ZNF20: variants seen among roughly 807,000 people sequenced by gnomAD.
The protein encoded by ZNF20 is zinc finger protein KOX13.
In ZNF20, 9 loss-of-function variants were observed where a neutral mutation model predicts 11.0. That is an observed-to-expected ratio of 0.82 (90% CI 0.49 to 1.43). ZNF20 has a LOEUF of 1.43. Ranked by LOEUF, ZNF20 falls within the 40% of genes most tolerant of loss-of-function variation. The pLI, the probability that ZNF20 is intolerant of heterozygous loss-of-function variation, is 0.00. For missense variants in ZNF20, 528 were observed against 640.8 expected, an observed-to-expected ratio of 0.82 and a Z score of 1.90; for synonymous variants, 182 against 213.0, an observed-to-expected ratio of 0.85 and a Z score of 1.27.
chr19:12,136,386 TAATAA>T (rs937693222), intron 1 of ZNF20, among the ~76,000 whole-genome samples: 16 of 141,552 alleles, frequency 1.1e-4, no homozygotes, highest in African/African-American at 1.9e-4. Context: ...AAAAAAATAA[TAATAA>T]AATAAATAGG....
rs1039840347 is a variant in ZNF20, at chr19:12,132,057, A to G, written c.*530T>C. 1 of 154,272 alleles carries G rather than the reference A, an allele frequency of 6.5e-6. No homozygotes were observed. The highest frequency in any genetic ancestry group is 1.9e-4 in the East Asian group (1 of 5,220). The allele number at this position is 154,272 out of a possible 1,614,324, so 9.6% of individuals were successfully genotyped here. A position where few individuals can be genotyped will look rare whatever the true frequency, so the allele number is the denominator to read the frequency against. ...CCGTAGAAACAACAATGCTTGCAAT[A>G]CAAAGTAGACCTCTTAAACCAACTC... On this transcript the variant is annotated 3_prime_UTR_variant, in exon 4 of 4. Transcript: ENST00000334213.
rs763999554 is a variant in ZNF20, at chr19:12,140,131, T to C, written c.3+49A>G. 7 of 1,580,244 alleles carry C rather than the reference T, an allele frequency of 4.4e-6. No homozygotes were observed. In the South Asian group the frequency reaches 8.1e-5, roughly 18 times the overall value. On this transcript the variant is annotated intron_variant, in intron 1 of 3. Coordinates refer to ENST00000334213, the MANE Select transcript of ZNF20 (RefSeq NM_021143.4). ...TCCCACCACAGCCGCTTCCGGCCGG[T>C]TCCACCCAGCCCCTCCCCCGTCTGG...
At chr19:12,136,949 G>T in intron 1 of ZNF20, 2 of 394,266 alleles carry the variant, frequency 5.1e-6, no homozygotes, top group Non-Finnish European at 5.0e-6. Flanking sequence ...CTGTTACCGT[G>T]ACTTCTTATG....
Position 12,132,526 on chromosome 19 carries a change from G to T in ZNF20, c.*61C>A. 6.7e-7 allele frequency: 1 copy of T among 1,485,488 alleles called. No homozygotes were observed. The highest frequency in any genetic ancestry group is 9.0e-7 in the Non-Finnish European group (1 of 1,108,352). The allele number at this position is 1,485,488 out of a possible 1,614,324, so 92.0% of individuals were successfully genotyped here. Reference sequence around the variant, plus strand: ...GGTTCTTTCACCACTCTCTTTTCTTGTGTTTCAAAGGAAGTGGGACAACAG... The same window carrying T: ...GGTTCTTTCACCACTCTCTTTTCTTTTGTTTCAAAGGAAGTGGGACAACAG... On this transcript the variant is annotated 3_prime_UTR_variant, in exon 4 of 4. Transcript: ENST00000334213.
chr19:12,136,019 T>C, intron 1 of ZNF20, 115 bp from the exon 2 acceptor site: 1 of 1,324,610 alleles, frequency 7.5e-7, no homozygotes, highest in Non-Finnish European at 1.0e-6. Flanking sequence ...GACTTGGTCA[T>C]CACACCTCTT....
At position 12,132,124 on chromosome 19, in the gene ZNF20, T is replaced by C. The variant is rs1367683398; in HGVS notation, c.*463A>G. ...GGGCATCAGTGAGTATTTCCAGCCATAACAACATTTATTAGTTCTCTGGTA... is the reference window on the plus strand; with the variant it reads ...GGGCATCAGTGAGTATTTCCAGCCACAACAACATTTATTAGTTCTCTGGTA... On this transcript the variant is annotated 3_prime_UTR_variant, in exon 4 of 4. Coordinates refer to ENST00000334213, the MANE Select transcript of ZNF20 (RefSeq NM_021143.4). 1 of 157,558 alleles carries C rather than the reference T, an allele frequency of 6.3e-6. No homozygotes were observed. Among genetic ancestry groups the C allele is most frequent in the South Asian group, 1.9e-4 (1 of 5,262 alleles). 9.8% of individuals were successfully genotyped at this position (157,558 alleles called of 1,614,324 possible).
chr19:12,138,337 C>T (rs1290431309), intron 1 of ZNF20, among the ~76,000 whole-genome samples: 1 of 150,574 alleles, frequency 6.6e-6, no homozygotes, highest in Non-Finnish European at 1.5e-5. Flanking sequence ...CCCAGCTACT[C>T]GGGAGACTGA....
chr19:12,132,503 TTC>T lies in ZNF20; in HGVS notation c.*82_*83del. The T allele has an allele frequency of 1.4e-6, 2 of 1,383,832 alleles. No individual in the cohort carries two copies. The highest frequency in any genetic ancestry group is 2.0e-6 in the Non-Finnish European group (2 of 1,020,214). The allele number at this position is 1,383,832 out of a possible 1,614,324, so 85.7% of individuals were successfully genotyped here. On this transcript the variant is annotated 3_prime_UTR_variant, in exon 4 of 4. Transcript: ENST00000334213. Reference sequence around the variant, plus strand: ...AATTCAAAAAGCAGTTATCCAGAGGTTCTTTCACCACTCTCTTTTCTTGTGTT... The same window carrying T: ...AATTCAAAAAGCAGTTATCCAGAGGTTTTCACCACTCTCTTTTCTTGTGTT...
In ZNF20 at chr19:12,133,341, G is replaced by C. The variant is rs776227779; in HGVS notation, c.845C>G (p.Pro282Arg). The C allele has an allele frequency of 6.8e-6, 11 of 1,614,078 alleles. No individual in the cohort carries two copies. Among genetic ancestry groups the C allele is most frequent in the South Asian group, 6.6e-5 (6 of 91,092 alleles). ...RHKRSHTGEK[P>R]YECKQCGKVF... ...TTTCCCACATTGCTTACACTCATAGGGTTTTTCTCCAGTGTGAGACCTTTT... is the reference window on the plus strand; with the variant it reads ...TTTCCCACATTGCTTACACTCATAGCGTTTTTCTCCAGTGTGAGACCTTTT... The change falls in exon 4 of 4, where the codon CCC (proline) becomes CGC (arginine). Residue 282 changes from proline to arginine, a missense_variant. Coordinates refer to ENST00000334213, the MANE Select transcript of ZNF20 (RefSeq NM_021143.4).
At position 12,138,322 on chromosome 19, in the gene ZNF20, G is replaced by A. The variant is rs539736919; in HGVS notation, c.3+1858C>T. Among the ~76,000 whole-genome samples, 31 of 151,844 alleles carry A rather than the reference G, an allele frequency of 2.0e-4. No individual in the cohort carries two copies. The South Asian group carries it at 6.2e-3, about 31-fold the overall frequency. On this transcript the variant is annotated intron_variant, in intron 1 of 3. Transcript: ENST00000334213. ...ACATGGGGTATGGTGGCGCATACCT[G>A]TAAACCCAGCTACTCGGGAGACTGA...
intron 1 of ZNF20, 163 bp from the exon 2 acceptor site, chr19:12,136,067 C>T (rs1423202410): frequency 1.1e-6 from 1 of 939,854 alleles, no homozygotes; most frequent in Non-Finnish European, 1.5e-6. Flanking sequence ...ACAAACCAAC[C>T]CTTTTTTTGT....
In ZNF20 at chr19:12,133,061, G is replaced by C. The variant is rs1976649736; in HGVS notation, c.1125C>G (p.Gly375=). ...TTTGAAGTTGTGAAGCACATCTAAA[G>C]CCTTTCCCACACTGCTTACATCCAT... ...KPYGCKQCGK[G]FRCASQLQIH... Residue 375 remains glycine (G), a synonymous_variant, in exon 4 of 4, where the codon GGC becomes GGG. Transcript: ENST00000334213. The C allele has an allele frequency of 1.2e-6, 2 of 1,614,090 alleles. No homozygotes were observed. Among genetic ancestry groups the C allele is most frequent in the Non-Finnish European group, 1.7e-6 (2 of 1,179,994 alleles).
rs199631065 is a variant in ZNF20 at position 12,138,427 on chromosome 19, CA to C, written c.3+1752del. On this transcript the variant is annotated intron_variant, in intron 1 of 3. Coordinates refer to ENST00000334213, the MANE Select transcript of ZNF20 (RefSeq NM_021143.4). ...CGCCACTTCAATTCAGCCTGGGTTA[CA>C]AAGAGAGACTTTCTCTCAAAAAAAA... Among the ~76,000 whole-genome samples the C allele has an allele frequency of 2.7e-3, 254 of 95,124 alleles. 1 individual carries two copies. Among genetic ancestry groups the C allele is most frequent in the African/African-American group, 0.01 (243 of 23,158 alleles). The allele number at this position is 95,124 out of a possible 152,430, so 62.4% of individuals were successfully genotyped here.
rs1368866627 is a variant in ZNF20, at chr19:12,132,894, G to A, written c.1292C>T (p.Ala431Val). 1 of 1,614,096 alleles carries A rather than the reference G, an allele frequency of 6.2e-7. No individual in the cohort carries two copies. Among genetic ancestry groups the A allele is most frequent in the Non-Finnish European group, 8.5e-7 (1 of 1,180,018 alleles). Residue 431 changes from alanine to valine, a missense_variant, in exon 4 of 4, where the codon GCA (alanine) becomes GTA (valine). Transcript: ENST00000334213. ...ATGCAAGGAAGAGAAATACCTGAATGCTTTTCCACATTGCTTACATTCATG... is the reference window on the plus strand; with the variant it reads ...ATGCAAGGAAGAGAAATACCTGAATACTTTTCCACATTGCTTACATTCATG... ...KPHECKQCGK[A>V]FRYFSSLHIH...
In ZNF20 at chr19:12,133,336, C is replaced by A. The variant is rs574468226; in HGVS notation, c.850G>T (p.Glu284Ter). 1 of 1,614,188 alleles carries A rather than the reference C, an allele frequency of 6.2e-7. No homozygotes were observed. Among genetic ancestry groups the A allele is most frequent in the South Asian group, 1.1e-5 (1 of 91,084 alleles). ...KRSHTGEKPY[E>*]CKQCGKVFIS... is the part of the protein sequence containing the mutation. Reference sequence around the variant, plus strand: ...AAGACTTTCCCACATTGCTTACACTCATAGGGTTTTTCTCCAGTGTGAGAC... The same window carrying A: ...AAGACTTTCCCACATTGCTTACACTAATAGGGTTTTTCTCCAGTGTGAGAC... The change falls in exon 4 of 4, where the codon GAG becomes TAG. Residue 284 changes from glutamate (E) to a stop codon, truncating the protein, a stop_gained. Transcript: ENST00000334213. LOFTEE classifies it low-confidence loss of function (END_TRUNC).
At position 12,132,764 on chromosome 19, in the gene ZNF20, AGT is replaced by A; in HGVS notation, c.1420_1421del (p.Thr474TrpfsTer6). On this transcript the variant is annotated frameshift_variant, in exon 4 of 4. Transcript: ENST00000334213. LOFTEE classifies it low-confidence loss of function (END_TRUNC). The part of the protein sequence containing the change: ...SSIRYHERTH[T>X]GEKPYECKHC... ...GCTTACATTCATAGGGTTTCTCTCC[AGT>A]GTGAGTCCTTTCATGATATCGAATG... The A allele has an allele frequency of 1.2e-6, 2 of 1,614,130 alleles. No homozygotes were observed. Among genetic ancestry groups the A allele is most frequent in the Non-Finnish European group, 1.7e-6 (2 of 1,180,022 alleles).
Position 12,133,185 on chromosome 19 carries a change from G to A in ZNF20, c.1001C>T (p.Thr334Ile). The change falls in exon 4 of 4, where the codon ACT (threonine) becomes ATT (isoleucine). Residue 334 changes from threonine (T) to isoleucine (I), a missense_variant. Transcript: ENST00000334213. ...CCTACATTCATAGGGTTTCTCTCCAGTGTGAGTCCTTCCATGCTTTTGAAG... is the reference window on the plus strand; with the variant it reads ...CCTACATTCATAGGGTTTCTCTCCAATGTGAGTCCTTCCATGCTTTTGAAG... ...SHLQKHGRTH[T>I]GEKPYECRQC... 1 of 1,613,650 alleles carries A rather than the reference G, an allele frequency of 6.2e-7. No individual in the cohort carries two copies. Among genetic ancestry groups the A allele is most frequent in the South Asian group, 1.1e-5 (1 of 91,068 alleles).
At position 12,135,558 on chromosome 19, in the gene ZNF20, T is replaced by C; in HGVS notation, c.142A>G (p.Lys48Glu). 3 of 1,612,800 alleles carry C rather than the reference T, an allele frequency of 1.9e-6. No individual in the cohort carries two copies. The highest frequency in any genetic ancestry group is 1.1e-5 in the South Asian group (1 of 90,552). The change falls in exon 3 of 4, where the codon AAA (lysine) becomes GAA (glutamate). Residue 48 changes from lysine (K) to glutamate (E), a missense_variant and splice_region_variant. By Grantham distance (56) the Lys-to-Glu change is moderately conservative. Coordinates refer to ENST00000334213, the MANE Select transcript of ZNF20 (RefSeq NM_021143.4). The stretch of plus-strand genomic sequence containing the variant: ...TCAATGTTCTGAACTTTCCATGTTT[T>C]TCCTAAAACACAGACCCGGAGAAAA... The part of the protein sequence containing the change: ...ETFKNLTSVG[K>E]TWKVQNIEDE...
chr19:12,136,124 C>T (rs1185850704), intron 1 of ZNF20, among the ~76,000 whole-genome samples: 2 of 152,168 alleles, frequency 1.3e-5, no homozygotes, highest in Non-Finnish European at 2.9e-5. Context: ...CGCCTGTAAT[C>T]CCAGCACTTT....
Sources: gnomAD v4.1 joint callset for allele counts (sites outside exome capture counted in the v4.1 genomes callset) on GRCh38, gnomAD v4.1.1 for gene constraint, MANE v1.5 for transcripts, NCBI Gene and HGNC (gene_info 2026-07-23, HGNC 2026-07-21) for gene names.